The following NDST3 variants were observed in gnomAD, a reference collection of about 807,000 sequenced individuals.
NDST3 encodes the protein bifunctional heparan sulfate N-deacetylase/N-sulfotransferase 3.
NDST3 carries 58 observed loss-of-function variants against 96.1 expected under a neutral mutation model. The observed-to-expected ratio is 0.60, with a 90% CI of 0.49 to 0.75. The LOEUF is 0.75. Among genes scored for constraint, NDST3 ranks in the 30% least tolerant of loss-of-function variants. The probability of loss-of-function intolerance (pLI) is 0.00; values close to 1 mark genes in which losing one functional copy is unlikely to be tolerated. For synonymous variants in NDST3, 333 were observed against 359.7 expected (o/e 0.93, Z 0.84); for missense variants, 788 against 1,034.2 (o/e 0.76, Z 3.27).
intron 13 of NDST3, 123 bp from the exon 14 acceptor site, chr4:118,255,470 C>A: frequency 1.0e-6 from 1 of 1,002,248 alleles, no homozygotes; most frequent in South Asian, 1.8e-5. Context: ...ATAAATAGTC[C>A]ATATGCTTAA....
At chr4:118,116,037 G>C (rs558249015) in intron 4 of NDST3, among the ~76,000 whole-genome samples, 2 of 100,390 alleles carry the variant, frequency 2.0e-5, no homozygotes, top group Admixed American at 2.7e-4. Flanking sequence ...GCAAACTGCT[G>C]TGAGAAGGAG....
chr4:118,103,026 G>A (rs182176784), intron 2 of NDST3, among the ~76,000 whole-genome samples: 21 of 152,108 alleles, frequency 1.4e-4, no homozygotes, highest in African/African-American at 4.1e-4. Context: ...AGGTTAGTTC[G>A]CAGGAACTTT....
At chr4:118,138,366 T>C in intron 5 of NDST3, 127 bp downstream of exon 5, 1 of 731,320 alleles carries the variant, frequency 1.4e-6, no homozygotes, top group Non-Finnish European at 2.1e-6. Context: ...AGGAAGCATA[T>C]TTGTCATATC....
At chr4:118,119,972 AT>A (rs1385036057) in intron 4 of NDST3, among the ~76,000 whole-genome samples, 1 of 152,138 alleles carries the variant, frequency 6.6e-6, no homozygotes, top group African/African-American at 2.4e-5. Context: ...CAGTCTTAAG[AT>A]TTAGAAGAGA....
At chr4:118,055,673 A>C (rs2389500) in intron 2 of NDST3, 114,212 of 151,808 alleles carry the variant, frequency 0.75, 45,621 homozygotes, top group South Asian at 0.92. Context: ...CTTAGTTTCC[A>C]ATTCGAAATG....
rs140478292 is a variant in NDST3, at chr4:118,053,947, A to G, written c.37A>G (p.Arg13Gly). Residue 13 changes from arginine (R) to glycine (G), a missense_variant, in exon 2 of 14, where the codon AGA (arginine) becomes GGA (glycine). Physicochemically the swap from Arg to Gly is moderately radical, Grantham distance 125. Coordinates refer to ENST00000296499, the MANE Select transcript of NDST3 (RefSeq NM_004784.3). ...CATGAAGCTTCACAGACACTTTCAAAGAACAGTCATTCTGCTTGCCACTTT... is the reference window on the plus strand; with the variant it reads ...CATGAAGCTTCACAGACACTTTCAAGGAACAGTCATTCTGCTTGCCACTTT... ...FIMKLHRHFQRTVILLATFCM... is the reference protein window; with the variant it reads ...FIMKLHRHFQGTVILLATFCM... 28 of 1,610,646 alleles carry G rather than the reference A, an allele frequency of 1.7e-5. No individual in the cohort carries two copies. Among genetic ancestry groups the G allele is most frequent in the Non-Finnish European group, 2.2e-5 (26 of 1,178,186 alleles).
At chr4:118,158,786 T>A (rs1244883561) in intron 6 of NDST3, among the ~76,000 whole-genome samples, 1 of 152,206 alleles carries the variant, frequency 6.6e-6, no homozygotes, top group Non-Finnish European at 1.5e-5. Context: ...GCACCTCCTG[T>A]GATTCAATAC....
chr4:118,211,480 T>C (rs2125986586), intron 6 of NDST3, among the ~76,000 whole-genome samples: 1 of 152,336 alleles, frequency 6.6e-6, no homozygotes, highest in Non-Finnish European at 1.5e-5. Flanking sequence ...GTCTTGCTAA[T>C]CACAGTAGCC....
chr4:118,180,508 A>G (rs565802087), intron 6 of NDST3, among the ~76,000 whole-genome samples: 1 of 152,272 alleles, frequency 6.6e-6, no homozygotes, highest in East Asian at 1.9e-4. Context: ...ACACAGATCA[A>G]CTTAGGAGAC....
At chr4:118,240,408 A>G in intron 10 of NDST3, 116 bp from the exon 11 acceptor site, 1 of 754,400 alleles carries the variant, frequency 1.3e-6, no homozygotes, top group Non-Finnish European at 1.9e-6. Flanking sequence ...AAAATAGATA[A>G]CTCTCCAGCA....
chr4:118,247,194 A>C (rs1741369164), intron 12 of NDST3, among the ~76,000 whole-genome samples: 1 of 87,964 alleles, frequency 1.1e-5, no homozygotes, highest in African/African-American at 4.6e-5. Context: ...ATATCCACAC[A>C]CCAGGGGGGT....
Position 118,147,262 on chromosome 4 carries a change from C to T in NDST3, c.1539+3578C>T, listed in dbSNP as rs567202446. Among the ~76,000 whole-genome samples the T allele has an allele frequency of 1.1e-4, 17 of 152,218 alleles. No individual in the cohort carries two copies. The East Asian group carries it at 1.2e-3, about 10-fold the overall frequency. On this transcript the variant is annotated intron_variant, in intron 6 of 13. Transcript: ENST00000296499. ...TACTGAATCAGGTTTTGGAGCCTGT[C>T]GGTCAGAAACAGACCTCAGAGTGTT...
chr4:118,108,712 G>C (rs2125856294), intron 3 of NDST3, among the ~76,000 whole-genome samples: 1 of 152,230 alleles, frequency 6.6e-6, no homozygotes, highest in South Asian at 2.1e-4. Flanking sequence ...TTGTAAAATT[G>C]TGTAATGAAT....
chr4:118,146,094 C>G (rs1473398829), intron 6 of NDST3, among the ~76,000 whole-genome samples: 1 of 152,152 alleles, frequency 6.6e-6, no homozygotes, highest in East Asian at 1.9e-4. Flanking sequence ...TGTATTGAAA[C>G]TAAGGAAGAT....
At chr4:118,254,338 T>A (rs1741976292) in intron 13 of NDST3, among the ~76,000 whole-genome samples, 2 of 151,980 alleles carry the variant, frequency 1.3e-5, no homozygotes. Context: ...GTTACTGATA[T>A]AATATACTAA....
chr4:118,082,925 A>G (rs1728137060), intron 2 of NDST3, among the ~76,000 whole-genome samples: 1 of 152,164 alleles, frequency 6.6e-6, no homozygotes, highest in Non-Finnish European at 1.5e-5. Flanking sequence ...AGAAGGAGTA[A>G]GAGAGAGGTA....
At chr4:118,217,659 A>G (rs1739276771) in intron 6 of NDST3, among the ~76,000 whole-genome samples, 1 of 152,026 alleles carries the variant, frequency 6.6e-6, no homozygotes, top group South Asian at 2.1e-4. Flanking sequence ...GAAGAACATG[A>G]AGTAAATTAC....
chr4:118,205,252 A>G (rs1738359202), intron 6 of NDST3, among the ~76,000 whole-genome samples: 1 of 144,560 alleles, frequency 6.9e-6, no homozygotes, highest in South Asian at 2.3e-4. Flanking sequence ...CTCAAAGAGA[A>G]CAACAGAGAA....
At chr4:118,222,814 C>T (rs910747245) in intron 6 of NDST3, among the ~76,000 whole-genome samples, 1 of 151,872 alleles carries the variant, frequency 6.6e-6, no homozygotes, top group African/African-American at 2.4e-5. Flanking sequence ...CATAGTCATG[C>T]AGGTAGAGAG....
Sources: allele counts gnomAD v4.1 joint callset (sites outside exome capture counted in the v4.1 genomes callset), GRCh38; gene constraint gnomAD v4.1.1; transcripts MANE v1.5; gene names NCBI Gene and HGNC (gene_info 2026-07-23, HGNC 2026-07-21).